The following CRTC1 variants were observed in gnomAD, a reference collection of about 807,000 sequenced individuals.
CRTC1 encodes the protein CREB-regulated transcription coactivator 1.
Under a neutral mutation model 66.1 loss-of-function variants are expected in CRTC1, and 18 were observed. The ratio of observed to expected loss-of-function variants is 0.27; its 90% CI spans 0.19 to 0.40. CRTC1 has a LOEUF of 0.40. Ranked by LOEUF, CRTC1 falls within the 10% of genes least tolerant of loss-of-function variation. The pLI, the probability that CRTC1 is intolerant of heterozygous loss-of-function variation, is 1.00. For missense variants in CRTC1, 669 were observed against 887.9 expected (o/e 0.75, Z 3.13); for synonymous variants, 416 against 398.8 (o/e 1.04, Z -0.51).
At chr19:18,696,360 A>T (rs1600764445) in intron 1 of CRTC1, among the ~76,000 whole-genome samples, 1 of 152,174 alleles carries the variant, frequency 6.6e-6, no homozygotes, top group Non-Finnish European at 1.5e-5. Flanking sequence ...ATGTGGAGCC[A>T]TGGAAGGTTC....
chr19:18,774,975 C>G lies in CRTC1; in HGVS notation c.1501C>G (p.Leu501Val). 6.2e-7 allele frequency: 1 copy of G among 1,606,098 alleles called. No individual in the cohort carries two copies. Residue 501 changes from leucine (L) to valine (V), a missense_variant, in exon 12 of 14, where the codon CTG (leucine) becomes GTG (valine). This residue lies in a region of CRTC1 where 79 missense variants were observed against 100.1 expected (regional missense o/e 0.79). Transcript: ENST00000321949. ...GATGGCGGCCAGGCAGGCCAATGCT[C>G]TGTCCCACCAGGTGAGCGGGCGCCC... Reference protein sequence around the residue: ...QQMAARQANALSHQLEQFNMM... With the variant: ...QQMAARQANAVSHQLEQFNMM...
At chr19:18,731,263 T>G (rs551962922) in intron 1 of CRTC1, among the ~76,000 whole-genome samples, 1 of 152,358 alleles carries the variant, frequency 6.6e-6, no homozygotes, top group South Asian at 2.1e-4. Context: ...TCAGCGTGGC[T>G]GGTTCCTCCT....
At chr19:18,754,639 A>C (rs2054444942) in intron 6 of CRTC1, among the ~76,000 whole-genome samples, 1 of 152,390 alleles carries the variant, frequency 6.6e-6, no homozygotes, top group East Asian at 1.9e-4. Context: ...AATAAACTAG[A>C]AACAGCCTGC....
chr19:18,779,637 C>G lies in CRTC1; in HGVS notation c.*2255C>G, dbSNP rs2055065060. 4.5e-6 allele frequency: 1 copy of G among 223,376 alleles called. No homozygotes were observed. The highest frequency in any genetic ancestry group is 1.8e-4 in the South Asian group (1 of 5,436). 13.8% of individuals were successfully genotyped at this position (223,376 alleles called of 1,614,324 possible). A position where few individuals can be genotyped will look rare whatever the true frequency, so the allele number is the denominator to read the frequency against. On this transcript the variant is annotated 3_prime_UTR_variant, in exon 14 of 14. Transcript: ENST00000321949. ...AAACCTCATACCCCATCCGTCCAAC[C>G]TCCGGCGGGCGCCACTGCTTGTCCT...
Position 18,777,691 on chromosome 19 carries a change from C to T in CRTC1, c.*309C>T, listed in dbSNP as rs2145877852. 4.9e-6 allele frequency: 2 copies of T among 408,844 alleles called. No individual in the cohort carries two copies. Among genetic ancestry groups the T allele is most frequent in the Non-Finnish European group, 8.8e-6 (2 of 226,032 alleles). The allele number at this position is 408,844 out of a possible 1,614,324, so 25.3% of individuals were successfully genotyped here. A position where few individuals can be genotyped will look rare whatever the true frequency, so the allele number is the denominator to read the frequency against. ...CCCAGCCCCGGGGCCTGAGCCGTCC[C>T]CTGTAAGATGCGGGAAGTGTCAGCT... On this transcript the variant is annotated 3_prime_UTR_variant, in exon 14 of 14. Coordinates refer to ENST00000321949, the MANE Select transcript of CRTC1 (RefSeq NM_015321.3). The surrounding 1 kb of genome is among the most constrained non-coding windows in gnomAD (Gnocchi z 5.5).
At position 18,771,452 on chromosome 19, in the gene CRTC1, T is replaced by G; in HGVS notation, c.1331T>G (p.Leu444Arg). The change falls in exon 11 of 14, where the codon CTG becomes CGG. Residue 444 changes from leucine (L) to arginine (R), a missense_variant. By Grantham distance (102) the Leu-to-Arg change is moderately radical. This residue lies in a region of CRTC1 where 241 missense variants were observed against 242.2 expected (regional missense o/e 0.99). Transcript: ENST00000321949. This position sits in a 1 kb window ranked among gnomAD's most constrained non-coding sequence, Gnocchi z 4.6. ...MGIDIASAPA[L>R]QQYRTSAGSP... ...TGTCTGTCATCGCAGGCGCCGGCTCTGCAGCAGTACCGCACTAGCGCCGGC... is the reference window on the plus strand; with the variant it reads ...TGTCTGTCATCGCAGGCGCCGGCTCGGCAGCAGTACCGCACTAGCGCCGGC... 3.1e-6 allele frequency: 5 copies of G among 1,613,074 alleles called. No individual in the cohort carries two copies. The highest frequency in any genetic ancestry group is 4.2e-6 in the Non-Finnish European group (5 of 1,179,530).
chr19:18,747,173 C>A, intron 4 of CRTC1, 59 bp downstream of exon 4: 2 of 1,239,280 alleles, frequency 1.6e-6, no homozygotes, highest in Non-Finnish European at 2.3e-6. Context: ...ACCAAACTCT[C>A]ATCATGGTTA....
Position 18,752,107 on chromosome 19 carries a change from G to A in CRTC1, c.539-1393G>A, listed in dbSNP as rs1327478637. ...GGCGCAGGTTGCAGTGAGCCAAGGT[G>A]CCACTGCACTCCAGCCTGGGTGGGA... On this transcript the variant is annotated intron_variant, in intron 5 of 13. Transcript: ENST00000321949. Among the ~76,000 whole-genome samples, 5 of 148,020 alleles carry A rather than the reference G, an allele frequency of 3.4e-5. No homozygotes were observed. The Admixed American group carries it at 3.4e-4, about 10-fold the overall frequency.
intron 11 of CRTC1, among the ~76,000 whole-genome samples, chr19:18,773,077 C>T (rs753398157): frequency 6.6e-6 from 1 of 152,156 alleles, no homozygotes; most frequent in Non-Finnish European, 1.5e-5. Context: ...TGCTGGGCAG[C>T]GAGCAGGTGG....
At chr19:18,695,857 T>A (rs1361498914) in intron 1 of CRTC1, among the ~76,000 whole-genome samples, 1 of 151,900 alleles carries the variant, frequency 6.6e-6, no homozygotes, top group Non-Finnish European at 1.5e-5. Flanking sequence ...AGAGTGAGAC[T>A]TCATCTCAAA....
chr19:18,717,119 G>A (rs910295491), intron 1 of CRTC1, among the ~76,000 whole-genome samples: 1 of 152,206 alleles, frequency 6.6e-6, no homozygotes, highest in South Asian at 2.1e-4. Context: ...GTGTGAACAC[G>A]TGTGATGTCT....
intron 6 of CRTC1, among the ~76,000 whole-genome samples, chr19:18,758,380 GAAAA>G (rs890669014): frequency 6.7e-6 from 1 of 149,612 alleles, no homozygotes; most frequent in Non-Finnish European, 1.5e-5. Flanking sequence ...AAAAAAGAAA[GAAAA>G]AAAAGGCAGA....
At chr19:18,732,791 T>C (rs577434665) in intron 1 of CRTC1, among the ~76,000 whole-genome samples, 1 of 152,100 alleles carries the variant, frequency 6.6e-6, no homozygotes, top group Admixed American at 6.5e-5. Flanking sequence ...CCAGAAGCCT[T>C]TCAGAATAAC....
At chr19:18,772,800 C>T (rs1171893756) in intron 11 of CRTC1, among the ~76,000 whole-genome samples, 2 of 152,180 alleles carry the variant, frequency 1.3e-5, no homozygotes, top group Admixed American at 6.5e-5. Context: ...TTGGTCTGCC[C>T]GCACTGGCTC....
chr19:18,722,524 C>T (rs1031409538), intron 1 of CRTC1, among the ~76,000 whole-genome samples: 26 of 152,316 alleles, frequency 1.7e-4, no homozygotes, highest in African/African-American at 5.5e-4. Flanking sequence ...AGGCACACAG[C>T]GAGAAGGCCA....
chr19:18,720,078 T>C (rs1430202227), intron 1 of CRTC1, among the ~76,000 whole-genome samples: 1 of 152,236 alleles, frequency 6.6e-6, no homozygotes, highest in East Asian at 1.9e-4. Context: ...CAGCTACAAA[T>C]AGACGTGTGC....
At chr19:18,684,654 G>C (rs1346627040) in intron 1 of CRTC1, among the ~76,000 whole-genome samples, 1 of 152,118 alleles carries the variant, frequency 6.6e-6, no homozygotes, top group African/African-American at 2.4e-5. Flanking sequence ...AGTGGAACAG[G>C]GGATGCTGAC....
chr19:18,719,418 G>T (rs1223880559), intron 1 of CRTC1, among the ~76,000 whole-genome samples: 3 of 152,210 alleles, frequency 2.0e-5, no homozygotes, highest in African/African-American at 7.2e-5. Flanking sequence ...GGCTGTGAGG[G>T]CACTCAAGGG....
intron 1 of CRTC1, among the ~76,000 whole-genome samples, chr19:18,728,959 C>T (rs899228027): frequency 6.7e-6 from 1 of 150,034 alleles, no homozygotes; most frequent in Non-Finnish European, 1.5e-5. Flanking sequence ...ATTACAGGTG[C>T]CTGCCATCAT....
Sources: gnomAD v4.1 joint callset for allele counts (sites outside exome capture counted in the v4.1 genomes callset) on GRCh38, gnomAD v4.1.1 for gene constraint, gnomAD v4.1.1 regional missense constraint, Gnocchi (gnomAD v3.1) non-coding constraint, MANE v1.5 for transcripts, NCBI Gene and HGNC (gene_info 2026-07-23, HGNC 2026-07-21) for gene names.